The following FAF1 variants were observed in gnomAD, a reference collection of about 807,000 sequenced individuals.
The protein encoded by FAF1 is Fas associated factor 1.
In FAF1, 25 loss-of-function variants were observed where a neutral mutation model predicts 92.5. The observed-to-expected ratio is 0.27, with a 90% CI of 0.20 to 0.38. FAF1 has a LOEUF of 0.38. FAF1 is among the 10% of genes least tolerant of loss of function. FAF1 has a pLI of 1.00. For synonymous variants in FAF1, 234 were observed against 273.2 expected (o/e 0.86, Z 1.42); for missense variants, 636 against 793.3 (o/e 0.80, Z 2.38).
rs1661996816 is a variant in FAF1 at position 50,801,702 on chromosome 1, C to T, written c.115-25G>A. 3 of 1,502,666 alleles carry T rather than the reference C, an allele frequency of 2.0e-6. No individual in the cohort carries two copies. Among genetic ancestry groups the T allele is most frequent in the Non-Finnish European group, 2.8e-6 (3 of 1,079,766 alleles). 93.1% of individuals were successfully genotyped at this position (1,502,666 alleles called of 1,614,324 possible). On this transcript the variant is annotated intron_variant, in intron 2 of 18. Coordinates refer to ENST00000396153, the MANE Select transcript of FAF1 (RefSeq NM_007051.3). Reference sequence around the variant, plus strand: ...CCTGCAAACAAGAAACAGAGAAGGCCATTTAAAGAAACAGATAAATGCCCA... The same window carrying T: ...CCTGCAAACAAGAAACAGAGAAGGCTATTTAAAGAAACAGATAAATGCCCA...
intron 1 of FAF1, among the ~76,000 whole-genome samples, chr1:50,896,951 T>A (rs1304395675): frequency 6.6e-6 from 1 of 152,060 alleles, no homozygotes; most frequent in Non-Finnish European, 1.5e-5. Flanking sequence ...TTACATTATG[T>A]GTATTTAACC....
chr1:50,933,643 G>A (rs566351836), intron 1 of FAF1, among the ~76,000 whole-genome samples: 17 of 152,234 alleles, frequency 1.1e-4, no homozygotes, highest in African/African-American at 3.9e-4. Context: ...TTCCAACGTC[G>A]CATCCAAATT....
chr1:50,671,438 A>G (rs1655873336), intron 7 of FAF1, among the ~76,000 whole-genome samples: 1 of 152,098 alleles, frequency 6.6e-6, no homozygotes, highest in Non-Finnish European at 1.5e-5. Context: ...TGACTTCCAT[A>G]GCTGCCACAT....
intron 1 of FAF1, among the ~76,000 whole-genome samples, chr1:50,863,846 G>A (rs1446217668): frequency 1.3e-5 from 2 of 152,034 alleles, no homozygotes; most frequent in Non-Finnish European, 2.9e-5. Context: ...ACTCTTTTTG[G>A]TTGGTAAGCT....
intron 4 of FAF1, among the ~76,000 whole-genome samples, chr1:50,766,729 A>G (rs901796342): frequency 6.0e-5 from 9 of 151,146 alleles, no homozygotes; most frequent in African/African-American, 2.2e-4. Context: ...AACTCACCTT[A>G]TACCACAATC....
At chr1:50,821,675 A>G (rs1644044247) in intron 2 of FAF1, among the ~76,000 whole-genome samples, 1 of 152,180 alleles carries the variant, frequency 6.6e-6, no homozygotes, top group South Asian at 2.1e-4. Context: ...GTGGATAACA[A>G]TACCTGTTTA....
At chr1:50,617,441 G>A (rs1214533843) in intron 8 of FAF1, among the ~76,000 whole-genome samples, 1 of 152,154 alleles carries the variant, frequency 6.6e-6, no homozygotes, top group African/African-American at 2.4e-5. Context: ...TTTATGTGGT[G>A]AATCACATTT....
intron 6 of FAF1, among the ~76,000 whole-genome samples, chr1:50,726,233 G>A (rs965221307): frequency 4.6e-5 from 7 of 152,020 alleles, no homozygotes; most frequent in Non-Finnish European, 1.0e-4. Flanking sequence ...TCTAGCCTGG[G>A]TGACAGAGCA....
chr1:50,456,637 C>G (rs1472037271), intron 18 of FAF1, among the ~76,000 whole-genome samples: 1 of 152,180 alleles, frequency 6.6e-6, no homozygotes, highest in Non-Finnish European at 1.5e-5. Flanking sequence ...ATTTACTACA[C>G]AAGTATTTTC....
chr1:50,622,624 G>C (rs147310614), intron 8 of FAF1, among the ~76,000 whole-genome samples: 1 of 152,138 alleles, frequency 6.6e-6, no homozygotes, highest in African/African-American at 2.4e-5. Context: ...CATTTCATTT[G>C]CTGAAGGACA....
intron 5 of FAF1, among the ~76,000 whole-genome samples, chr1:50,743,872 A>C (rs944160487): frequency 6.6e-6 from 1 of 151,150 alleles, no homozygotes; most frequent in South Asian, 2.1e-4. Context: ...GGAGTTCGAG[A>C]CCAGCCTGGC....
In FAF1 at chr1:50,651,827, A is replaced by C. The variant is rs569767968; in HGVS notation, c.744+3615T>G. Among the ~76,000 whole-genome samples, 13 of 152,326 alleles carry C rather than the reference A, an allele frequency of 8.5e-5. No homozygotes were observed. In the South Asian group the frequency reaches 1.2e-3, roughly 15 times the overall value. ...TAAGTATAAAAACACCACCGCCTGC[A>C]ACAAATATAGACTACAAGTACCAGT... On this transcript the variant is annotated intron_variant, in intron 8 of 18. Coordinates refer to ENST00000396153, the MANE Select transcript of FAF1 (RefSeq NM_007051.3).
intron 1 of FAF1, among the ~76,000 whole-genome samples, chr1:50,860,526 T>A (rs1644423642): frequency 6.6e-6 from 1 of 151,428 alleles, no homozygotes; most frequent in Non-Finnish European, 1.5e-5. Flanking sequence ...CACAGAGAAA[T>A]GCAAATCAAA....
chr1:50,867,082 G>A (rs1644487606), intron 1 of FAF1, among the ~76,000 whole-genome samples: 1 of 152,104 alleles, frequency 6.6e-6, no homozygotes, highest in South Asian at 2.1e-4. Context: ...AACATAAAGT[G>A]TGGAAAGAAC....
rs1483546049 is a variant in FAF1 at position 50,941,096 on chromosome 1, A to G, written c.45+18671T>C. Among the ~76,000 whole-genome samples the G allele has an allele frequency of 3.3e-5, 5 of 151,680 alleles. No homozygotes were observed. The East Asian group carries it at 9.6e-4, about 29-fold the overall frequency. On this transcript the variant is annotated intron_variant, in intron 1 of 18. Coordinates refer to ENST00000396153, the MANE Select transcript of FAF1 (RefSeq NM_007051.3). ...ACTCAGGCTAGAGTGCAGTGGCACA[A>G]TCTTGACTCGCTGCAACCTCCATCT...
At chr1:50,852,391 AG>A (rs1207399474) in intron 2 of FAF1, among the ~76,000 whole-genome samples, 1 of 152,252 alleles carries the variant, frequency 6.6e-6, no homozygotes, top group African/African-American at 2.4e-5. Context: ...AGTATTCATT[AG>A]GCAATTACTA....
chr1:50,734,576 T>C (rs1659061573), intron 6 of FAF1, among the ~76,000 whole-genome samples: 1 of 151,594 alleles, frequency 6.6e-6, no homozygotes, highest in Non-Finnish European at 1.5e-5. Flanking sequence ...CTACTAAATA[T>C]ACAAAAAATT....
chr1:50,644,136 T>C (rs942000637), intron 8 of FAF1, among the ~76,000 whole-genome samples: 3 of 152,216 alleles, frequency 2.0e-5, no homozygotes, highest in Non-Finnish European at 4.4e-5. Context: ...TGCTGGACTT[T>C]GTTTTTAGAG....
intron 2 of FAF1, among the ~76,000 whole-genome samples, chr1:50,816,114 A>G (rs190942570): frequency 4.3e-4 from 65 of 150,844 alleles, no homozygotes; most frequent in Non-Finnish European, 7.1e-4. Context: ...TCTGAATATT[A>G]GTGATTTTTT....
Sources: gnomAD v4.1 joint callset for allele counts (sites outside exome capture counted in the v4.1 genomes callset) on GRCh38, gnomAD v4.1.1 for gene constraint, MANE v1.5 for transcripts, NCBI Gene and HGNC (gene_info 2026-07-23, HGNC 2026-07-21) for gene names.